SRC: variants seen among roughly 807,000 people sequenced by gnomAD.
The protein encoded by SRC is SRC proto-oncogene, non-receptor tyrosine kinase, also known as proto-oncogene tyrosine-protein kinase Src.
SRC carries 13 observed loss-of-function variants against 62.9 expected under a neutral mutation model. The observed-to-expected ratio is 0.21, with a 90% CI of 0.13 to 0.33. The LOEUF is 0.33. Ranked by LOEUF, SRC falls within the 10% of genes least tolerant of loss-of-function variation. SRC has a pLI of 1.00. For synonymous variants in SRC, 302 were observed against 317.5 expected (o/e 0.95, Z 0.52); for missense variants, 457 against 737.3 (o/e 0.62, Z 4.40).
chr20:37,375,405 T>G (rs1012651554), intron 2 of SRC, among the ~76,000 whole-genome samples: 3 of 152,036 alleles, frequency 2.0e-5, no homozygotes, highest in Admixed American at 6.6e-5. Context: ...CTAATTTCTT[T>G]TGTGTATTTT....
intron 1 of SRC, among the ~76,000 whole-genome samples, chr20:37,352,028 C>T (rs1016051002): frequency 2.0e-5 from 3 of 152,290 alleles, no homozygotes; most frequent in Non-Finnish European, 2.9e-5. Flanking sequence ...TGGGTGCTCA[C>T]GGATGCTTAT....
At chr20:37,393,148 G>T (rs967447401) in intron 5 of SRC, among the ~76,000 whole-genome samples, 2 of 152,152 alleles carry the variant, frequency 1.3e-5, no homozygotes, top group African/African-American at 4.8e-5. Flanking sequence ...GGGCATTGGG[G>T]CTCTGCCACC....
intron 4 of SRC, among the ~76,000 whole-genome samples, chr20:37,385,103 C>T (rs945160957): frequency 6.6e-6 from 1 of 152,232 alleles, no homozygotes; most frequent in African/African-American, 2.4e-5. Flanking sequence ...GATACAAACT[C>T]ACATGCACAG....
At chr20:37,373,075 CAT>C (rs1225225147) in intron 2 of SRC, among the ~76,000 whole-genome samples, 7 of 150,836 alleles carry the variant, frequency 4.6e-5, no homozygotes, top group East Asian at 1.9e-4. Context: ...CATATACACA[CAT>C]ATATACATAT....
At chr20:37,395,777 AGTGT>A (rs2070635375) in intron 7 of SRC, among the ~76,000 whole-genome samples, 1 of 152,230 alleles carries the variant, frequency 6.6e-6, no homozygotes, top group Non-Finnish European at 1.5e-5. Context: ...TTGAGTGCCC[AGTGT>A]GTGCCGGGCC....
chr20:37,367,257 AT>A (rs201766487), intron 2 of SRC, among the ~76,000 whole-genome samples: 1,924 of 146,900 alleles, frequency 0.013, 37 homozygotes, highest in African/African-American at 0.046. Flanking sequence ...TTTTTTTTAA[AT>A]TTGTGGAGAT....
chr20:37,396,094 G>A lies in SRC; in HGVS notation c.554-68G>A, dbSNP rs1045310538. 1.1e-5 allele frequency: 18 copies of A among 1,572,282 alleles called. No homozygotes were observed. The highest frequency in any genetic ancestry group is 2.2e-5 in the East Asian group (1 of 44,480). ...CTCCAATGTCAGGCAGGCACAGAACGGTGTCCAGAGCAGCGGCCTGCGGGG... is the reference window on the plus strand; with the variant it reads ...CTCCAATGTCAGGCAGGCACAGAACAGTGTCCAGAGCAGCGGCCTGCGGGG... On this transcript the variant is annotated intron_variant, in intron 7 of 13. Transcript: ENST00000373578. The surrounding 1 kb of genome is among the most constrained non-coding windows in gnomAD (Gnocchi z 6.1).
rs2147128297 is a variant in SRC at position 37,403,185 on chromosome 20, G to A, written c.1417G>A (p.Glu473Lys). The change falls in exon 14 of 14, where the codon GAG (glutamate) becomes AAG (lysine). Residue 473 changes from glutamate (E) to lysine (K), a missense_variant. By Grantham distance (56) the Glu-to-Lys change is moderately conservative (BLOSUM62 1). Transcript: ENST00000373578. This position sits in a 1 kb window ranked among gnomAD's most constrained non-coding sequence, Gnocchi z 7.1. ...TCTGCCCACAGGGATGGTGAACCGC[G>A]AGGTGCTGGACCAGGTGGAGCGGGG... ...RVPYPGMVNR[E>K]VLDQVERGYR... is the part of the protein sequence containing the mutation. The A allele has an allele frequency of 1.3e-6, 2 of 1,548,814 alleles. No homozygotes were observed. Among genetic ancestry groups the A allele is most frequent in the Non-Finnish European group, 1.7e-6 (2 of 1,150,882 alleles).
intron 2 of SRC, among the ~76,000 whole-genome samples, chr20:37,374,851 A>T (rs1600984120): frequency 6.6e-6 from 1 of 151,858 alleles, no homozygotes; most frequent in African/African-American, 2.4e-5. Context: ...TTGGGATTAC[A>T]GGTGTGAGCC....
At chr20:37,368,532 T>G (rs1600973195) in intron 2 of SRC, among the ~76,000 whole-genome samples, 29 of 123,890 alleles carry the variant, frequency 2.3e-4, no homozygotes, top group Non-Finnish European at 3.1e-4. Flanking sequence ...TTTTTTTTTT[T>G]TTTTTTTTTT....
chr20:37,403,028 G>A lies in SRC; in HGVS notation c.1403-143G>A. The A allele has an allele frequency of 2.3e-6, 3 of 1,322,438 alleles. No homozygotes were observed. Among genetic ancestry groups the A allele is most frequent in the Non-Finnish European group, 3.0e-6 (3 of 986,366 alleles). 81.9% of individuals were successfully genotyped at this position (1,322,438 alleles called of 1,614,324 possible). ...ATGTTAGGCTCTCTCGATGGTCCAT[G>A]CTCTCAGCTTCGGGGACAGGACTTA... On this transcript the variant is annotated intron_variant, in intron 13 of 13. Transcript: ENST00000373578. This position sits in a 1 kb window ranked among gnomAD's most constrained non-coding sequence, Gnocchi z 7.1.
chr20:37,392,431 G>C (rs1367702424), intron 5 of SRC, among the ~76,000 whole-genome samples: 1 of 152,196 alleles, frequency 6.6e-6, no homozygotes, highest in Non-Finnish European at 1.5e-5. Flanking sequence ...CAGGGATCCA[G>C]GTTCATGTTC....
At chr20:37,386,618 C>T in intron 5 of SRC, 1 of 660,406 alleles carries the variant, frequency 1.5e-6, no homozygotes, top group South Asian at 1.7e-5. Context: ...CTCCCCTCCC[C>T]CCTCCACCAA....
In SRC at chr20:37,384,222, C is replaced by G; in HGVS notation, c.69C>G (p.Asn23Lys). Reference protein sequence around the residue: ...QRRRSLEPAENVHGAGGGAFP... With the variant: ...QRRRSLEPAEKVHGAGGGAFP... ...GCCGCAGCCTGGAGCCCGCCGAGAA[C>G]GTGCACGGCGCTGGCGGGGGCGCTT... Residue 23 changes from asparagine (N) to lysine (K), a missense_variant, in exon 4 of 14, where the codon AAC (asparagine) becomes AAG (lysine). Physicochemically the swap from Asn to Lys is moderately conservative, Grantham distance 94. Around this residue, in one of 4 missense-constraint regions of SRC, gnomAD observed 132 missense variants for 135.4 expected, o/e 0.98. Transcript: ENST00000373578. The surrounding 1 kb of genome is among the most constrained non-coding windows in gnomAD (Gnocchi z 6.7). 6.3e-7 allele frequency: 1 copy of G among 1,593,482 alleles called. No homozygotes were observed. The highest frequency in any genetic ancestry group is 8.5e-7 in the Non-Finnish European group (1 of 1,174,812).
chr20:37,396,323 T>TCGGAGGG lies in SRC; in HGVS notation c.703+23_703+29dup, dbSNP rs759480980. ...GGCCTACTACTCCAGTGAGCCAGCC[T>TCGGAGGG]CGGAGGGCGGAGGGCGGGCGGGCAA... On this transcript the variant is annotated intron_variant, in intron 8 of 13. Coordinates refer to ENST00000373578, the MANE Select transcript of SRC (RefSeq NM_198291.3). This position sits in a 1 kb window ranked among gnomAD's most constrained non-coding sequence, Gnocchi z 6.1. 1.8e-5 allele frequency: 29 copies of TCGGAGGG among 1,612,622 alleles called. No individual in the cohort carries two copies. The highest frequency in any genetic ancestry group is 1.5e-4 in the African/African-American group (11 of 75,000).
Position 37,397,472 on chromosome 20 carries a change from T to A in SRC, c.704-227T>A, listed in dbSNP as rs2147106274. On this transcript the variant is annotated intron_variant, in intron 8 of 13. Coordinates refer to ENST00000373578, the MANE Select transcript of SRC (RefSeq NM_198291.3). The surrounding 1 kb of genome is among the most constrained non-coding windows in gnomAD (Gnocchi z 4.1). ...GCAGGGTTCCTGGCACCCCCTACTG[T>A]CTGCTGAATGACTGACTGAATGACT... 6.6e-6 allele frequency among the ~76,000 whole-genome samples: 1 copy of A among 152,304 alleles called. No homozygotes were observed. The highest frequency in any genetic ancestry group is 1.5e-5 in the Non-Finnish European group (1 of 68,012).
At chr20:37,348,695 G>A (rs1027163566) in intron 1 of SRC, among the ~76,000 whole-genome samples, 10 of 152,166 alleles carry the variant, frequency 6.6e-5, no homozygotes, top group African/African-American at 1.9e-4. Flanking sequence ...GCTGGGAACA[G>A]GTCCTTGGCC....
intron 2 of SRC, among the ~76,000 whole-genome samples, chr20:37,375,694 G>T: frequency 6.6e-6 from 1 of 152,150 alleles, no homozygotes; most frequent in East Asian, 1.9e-4. Context: ...TAAGCTAATT[G>T]TATTGGCAAG....
intron 5 of SRC, among the ~76,000 whole-genome samples, chr20:37,390,117 C>G (rs566835067): frequency 1.3e-5 from 2 of 152,154 alleles, no homozygotes; most frequent in Non-Finnish European, 2.9e-5. Context: ...TTACTCTGAG[C>G]CCAGCATGAC....
Sources: gnomAD v4.1 joint callset for allele counts (sites outside exome capture counted in the v4.1 genomes callset) on GRCh38, gnomAD v4.1.1 for gene constraint, gnomAD v4.1.1 regional missense constraint, Gnocchi (gnomAD v3.1) non-coding constraint, MANE v1.5 for transcripts, NCBI Gene and HGNC (gene_info 2026-07-23, HGNC 2026-07-21) for gene names.